ARHGAP24: variants seen among roughly 807,000 people sequenced by gnomAD.
ARHGAP24 encodes Rho GTPase activating protein 24, also known as rho GTPase-activating protein 24.
ARHGAP24 carries 50 observed loss-of-function variants against 76.4 expected under a neutral mutation model. The ratio of observed to expected loss-of-function variants is 0.65; its 90% confidence interval spans 0.52 to 0.83. The LOEUF (loss-of-function observed/expected upper bound fraction) is 0.83, where lower values mean the gene tolerates loss of function less well. Among genes scored for constraint, ARHGAP24 ranks in the 40% least tolerant of loss-of-function variants. The pLI is 0.00. For synonymous variants in ARHGAP24, 345 were observed against 323.3 expected (o/e 1.07, Z -0.72); for missense variants, 930 against 914.2 (o/e 1.02, Z -0.22).
intron 1 of ARHGAP24, among the ~76,000 whole-genome samples, chr4:85,538,974 C>T (rs1447474631): frequency 1.3e-5 from 2 of 152,162 alleles, no homozygotes; most frequent in Non-Finnish European, 2.9e-5. Context: ...TTCGTTTCCA[C>T]TTTTCTGCTA....
At chr4:85,879,319 T>C (rs1477267058) in intron 3 of ARHGAP24, among the ~76,000 whole-genome samples, 2 of 152,176 alleles carry the variant, frequency 1.3e-5, no homozygotes, top group Non-Finnish European at 2.9e-5. Flanking sequence ...GTACGACACG[T>C]TAAGCATCTT....
chr4:85,657,699 A>T (rs1247972437), intron 2 of ARHGAP24, among the ~76,000 whole-genome samples: 5 of 152,194 alleles, frequency 3.3e-5, no homozygotes, highest in Non-Finnish European at 7.4e-5. Flanking sequence ...AAATGCAAAC[A>T]TTGCCGGGGT....
At chr4:85,549,981 A>T (rs1374863519) in intron 1 of ARHGAP24, among the ~76,000 whole-genome samples, 2 of 152,098 alleles carry the variant, frequency 1.3e-5, no homozygotes. Context: ...TATGTACCAC[A>T]TTTTCTTTAT....
At chr4:85,647,630 T>C (rs1429135368) in intron 2 of ARHGAP24, among the ~76,000 whole-genome samples, 1 of 152,134 alleles carries the variant, frequency 6.6e-6, no homozygotes, top group Non-Finnish European at 1.5e-5. Context: ...AATGTAGAAT[T>C]GAATTTTCAT....
intron 2 of ARHGAP24, among the ~76,000 whole-genome samples, chr4:85,614,837 T>C (rs1720495812): frequency 6.6e-6 from 1 of 152,086 alleles, no homozygotes. Context: ...CCTGACATTA[T>C]TAAAATTGCT....
chr4:85,768,673 A>T (rs1039264873), intron 3 of ARHGAP24, among the ~76,000 whole-genome samples: 15 of 152,180 alleles, frequency 9.9e-5, no homozygotes, highest in African/African-American at 3.6e-4. Context: ...GCTACTTAAG[A>T]GGCTGAGGTA....
intron 3 of ARHGAP24, among the ~76,000 whole-genome samples, chr4:85,734,158 C>T (rs1725518125): frequency 6.6e-6 from 1 of 152,102 alleles, no homozygotes; most frequent in South Asian, 2.1e-4. Flanking sequence ...AAAGCATTAA[C>T]TAAAAACACA....
intron 3 of ARHGAP24, among the ~76,000 whole-genome samples, chr4:85,726,908 C>A (rs565883858): frequency 6.6e-6 from 1 of 152,146 alleles, no homozygotes; most frequent in African/African-American, 2.4e-5. Flanking sequence ...GTGGCTCACG[C>A]CTGTAATCCC....
At chr4:85,794,060 T>G (rs1728240511) in intron 3 of ARHGAP24, among the ~76,000 whole-genome samples, 1 of 152,204 alleles carries the variant, frequency 6.6e-6, no homozygotes, top group Non-Finnish European at 1.5e-5. Context: ...AATCAAACAA[T>G]CCAAATATAT....
intron 1 of ARHGAP24, among the ~76,000 whole-genome samples, chr4:85,478,374 T>C (rs1250163513): frequency 6.6e-6 from 1 of 152,240 alleles, no homozygotes; most frequent in Non-Finnish European, 1.5e-5. Flanking sequence ...CTGTCTTTGC[T>C]ATACAAACTC....
chr4:85,915,826 G>A (rs1388443886), intron 3 of ARHGAP24, among the ~76,000 whole-genome samples: 1 of 152,112 alleles, frequency 6.6e-6, no homozygotes, highest in Non-Finnish European at 1.5e-5. Context: ...ATCATTGATG[G>A]GCATTTGGGT....
At chr4:85,975,281 A>G (rs1417712371) in intron 7 of ARHGAP24, among the ~76,000 whole-genome samples, 1 of 152,202 alleles carries the variant, frequency 6.6e-6, no homozygotes, top group Non-Finnish European at 1.5e-5. Flanking sequence ...CATGAGAAAC[A>G]TCTGCATGGG....
intron 2 of ARHGAP24, among the ~76,000 whole-genome samples, chr4:85,717,668 C>T (rs917100031): frequency 6.6e-6 from 1 of 152,106 alleles, no homozygotes; most frequent in African/African-American, 2.4e-5. Context: ...TAGCCCTTGG[C>T]CACTAAATCT....
At position 86,000,561 on chromosome 4, in the gene ARHGAP24, A is replaced by G. The variant is rs759901809; in HGVS notation, c.2086A>G (p.Met696Val). Residue 696 changes from methionine to valine, a missense_variant, in exon 10 of 10, where the codon ATG becomes GTG. Transcript: ENST00000395184. ...ELDQERKKFT[M>V]IEIKMRNAER... ...GGATCAGGAGAGGAAAAAGTTCACA[A>G]TGATAGAAATAAAAATGCGAAATGC... is the stretch of plus-strand genomic sequence containing the variant. 3 of 1,612,544 alleles carry G rather than the reference A, an allele frequency of 1.9e-6. No individual in the cohort carries two copies. The highest frequency in any genetic ancestry group is 1.7e-5 in the Admixed American group (1 of 59,866).
Position 86,001,163 on chromosome 4 carries a change from GAAGAT to G in ARHGAP24, c.*445_*449del, listed in dbSNP as rs1740997167. ...TATTTCCCTTTTTTGCTGAGGAAAT[GAAGAT>G]AAGCAAAAATATAAATATATATATA... On this transcript the variant is annotated 3_prime_UTR_variant, in exon 10 of 10. Transcript: ENST00000395184. 1.0e-5 allele frequency: 4 copies of G among 391,956 alleles called. No individual in the cohort carries two copies. Among genetic ancestry groups the G allele is most frequent in the African/African-American group, 6.2e-5 (3 of 48,388 alleles). 24.3% of individuals were successfully genotyped at this position (391,956 alleles called of 1,614,324 possible). A position where few individuals can be genotyped will look rare whatever the true frequency, so the allele number is the denominator to read the frequency against.
At chr4:85,700,950 A>T (rs754658224) in intron 2 of ARHGAP24, among the ~76,000 whole-genome samples, 2 of 152,210 alleles carry the variant, frequency 1.3e-5, no homozygotes, top group Admixed American at 6.5e-5. Context: ...ATGTAGACAT[A>T]ATTTCCAATA....
chr4:85,978,692 GAAC>G (rs1360450015), intron 8 of ARHGAP24, among the ~76,000 whole-genome samples: 2 of 151,910 alleles, frequency 1.3e-5, no homozygotes, highest in East Asian at 3.9e-4. Flanking sequence ...GTGCAATACA[GAAC>G]ACCACCACAC....
At chr4:85,578,517 G>T (rs1727480455) in intron 2 of ARHGAP24, among the ~76,000 whole-genome samples, 2 of 152,108 alleles carry the variant, frequency 1.3e-5, no homozygotes, top group South Asian at 4.1e-4. Flanking sequence ...GAGTCCACTT[G>T]TTTTTTTGTG....
chr4:85,643,230 T>TTGTG (rs1560566224), intron 2 of ARHGAP24, among the ~76,000 whole-genome samples: 1 of 103,424 alleles, frequency 9.7e-6, no homozygotes, highest in African/African-American at 3.6e-5. Context: ...TTCCGTTTTT[T>TTGTG]TGTGTTTTTT....
Sources: gnomAD v4.1 joint callset for allele counts (sites outside exome capture counted in the v4.1 genomes callset) on GRCh38, gnomAD v4.1.1 for gene constraint, MANE v1.5 for transcripts, NCBI Gene and HGNC (gene_info 2026-07-23, HGNC 2026-07-21) for gene names.